CHEK1: variants seen among roughly 807,000 people sequenced by gnomAD.
CHEK1 encodes the protein serine/threonine-protein kinase Chk1.
CHEK1 carries 32 observed loss-of-function variants against 60.2 expected under a neutral mutation model. The ratio of observed to expected loss-of-function variants is 0.53; its 90% confidence interval spans 0.40 to 0.71. The LOEUF is 0.71. Among genes scored for constraint, CHEK1 ranks in the 30% least tolerant of loss-of-function variants. CHEK1 has a pLI of 0.00. For missense variants in CHEK1, 399 were observed against 564.6 expected (o/e 0.71, Z 2.97); for synonymous variants, 179 against 187.2 (o/e 0.96, Z 0.36).
intron 11 of CHEK1, among the ~76,000 whole-genome samples, chr11:125,645,712 A>G (rs1941477281): frequency 6.6e-6 from 1 of 152,222 alleles, no homozygotes; most frequent in African/African-American, 2.4e-5. Flanking sequence ...AAGTGAAGTG[A>G]TATTTTCATT....
At chr11:125,664,095 C>G (rs573849146) in intron 13 of CHEK1, among the ~76,000 whole-genome samples, 1 of 152,266 alleles carries the variant, frequency 6.6e-6, no homozygotes, top group South Asian at 2.1e-4. Context: ...GTTTTGGTTA[C>G]TGTAGCCTTG....
chr11:125,673,954 T>A (rs1208610739), intron 13 of CHEK1, among the ~76,000 whole-genome samples: 1 of 152,110 alleles, frequency 6.6e-6, no homozygotes, highest in Non-Finnish European at 1.5e-5. Flanking sequence ...AGGCCAGGAG[T>A]TCAAGACCAG....
downstream of CHEK1, among the ~76,000 whole-genome samples, chr11:125,661,084 CTT>C (rs1942005348): frequency 1.3e-5 from 2 of 151,910 alleles, no homozygotes; most frequent in African/African-American, 4.8e-5. Flanking sequence ...CCTGGCATAA[CTT>C]TTTATCTTTT....
chr11:125,635,742 G>T, intron 7 of CHEK1: 1 of 325,118 alleles, frequency 3.1e-6, no homozygotes, highest in Non-Finnish European at 5.6e-6. Context: ...AATATTTTGG[G>T]GAGTGTATAT....
intron 11 of CHEK1, chr11:125,650,023 T>C (rs2136048127): frequency 6.6e-6 from 1 of 152,308 alleles, no homozygotes; most frequent in Admixed American, 6.5e-5. Context: ...ACAGTTTGAC[T>C]ATGGTGTATC....
At chr11:125,654,827 C>A (rs1386366138) in intron 12 of CHEK1, among the ~76,000 whole-genome samples, 2 of 152,168 alleles carry the variant, frequency 1.3e-5, no homozygotes, top group East Asian at 3.9e-4. Flanking sequence ...CTTCTCATAA[C>A]TAAATCTATT....
At chr11:125,678,324 G>C (rs759471534), downstream of CHEK1, 1 of 1,606,570 alleles carries the variant, frequency 6.2e-7, no homozygotes, top group Non-Finnish European at 8.5e-7. Flanking sequence ...ACAGAAGAGA[G>C]TTGGTGAAGC....
rs567785939 is a variant in CHEK1, at chr11:125,655,639, A to G, written c.*319A>G. On this transcript the variant is annotated 3_prime_UTR_variant, in exon 13 of 13. Coordinates refer to ENST00000438015, the MANE Select transcript of CHEK1 (RefSeq NM_001114122.3). ...AGGGGACATGAGTTTTCCAGCTTTT[A>G]TACACACGTATCTCATTTTTATCAA... is the stretch of plus-strand genomic sequence containing the variant. 1 of 252,948 alleles carries G rather than the reference A, an allele frequency of 4.0e-6. No individual in the cohort carries two copies. The highest frequency in any genetic ancestry group is 2.2e-5 in the African/African-American group (1 of 45,786). The allele number at this position is 252,948 out of a possible 1,614,324, so 15.7% of individuals were successfully genotyped here.
intron 7 of CHEK1, 99 bp downstream of exon 7, chr11:125,635,632 C>T (rs972451311): frequency 1.4e-5 from 10 of 704,232 alleles, no homozygotes; most frequent in Non-Finnish European, 2.0e-5. Context: ...TTTAAACTTA[C>T]AAATAATTCA....
At chr11:125,632,151 T>G (rs1940891555) in intron 5 of CHEK1, among the ~76,000 whole-genome samples, 1 of 152,190 alleles carries the variant, frequency 6.6e-6, no homozygotes, top group Non-Finnish European at 1.5e-5. Context: ...TACACACTAT[T>G]TCATGTTAGT....
intron 13 of CHEK1, among the ~76,000 whole-genome samples, chr11:125,673,404 T>C (rs1313035091): frequency 3.3e-5 from 5 of 152,016 alleles, no homozygotes; most frequent in African/African-American, 1.2e-4. Flanking sequence ...GGTTTCACCA[T>C]GTTGGTCAGG....
At chr11:125,649,910 C>T (rs1281950819) in intron 11 of CHEK1, 1 of 152,126 alleles carries the variant, frequency 6.6e-6, no homozygotes, top group Non-Finnish European at 1.5e-5. Flanking sequence ...TGCCTTCTAG[C>T]CTTTGTGGTT....
At chr11:125,629,516 T>C in intron 5 of CHEK1, 56 bp downstream of exon 5, 3 of 1,256,970 alleles carry the variant, frequency 2.4e-6, no homozygotes, top group Non-Finnish European at 2.2e-6. Flanking sequence ...ACCTAAATTA[T>C]TTTAATTACC....
intron 11 of CHEK1, among the ~76,000 whole-genome samples, chr11:125,652,077 G>T (rs1269314098): frequency 6.6e-6 from 1 of 152,216 alleles, no homozygotes; most frequent in Non-Finnish European, 1.5e-5. Flanking sequence ...CACAGTCGTG[G>T]TATGGTTGTG....
intron 11 of CHEK1, among the ~76,000 whole-genome samples, chr11:125,650,576 C>T (rs1941687981): frequency 6.6e-6 from 1 of 151,404 alleles, no homozygotes; most frequent in African/African-American, 2.4e-5. Flanking sequence ...CCTGCCTCAG[C>T]CTTCCAAGTA....
intron 11 of CHEK1, among the ~76,000 whole-genome samples, chr11:125,651,305 T>C (rs1941720779): frequency 8.0e-6 from 1 of 124,850 alleles, no homozygotes; most frequent in Non-Finnish European, 1.7e-5. Context: ...TTTTTTTTTT[T>C]GAGATGGAGT....
chr11:125,657,771 T>C (rs1039152461), downstream of CHEK1, among the ~76,000 whole-genome samples: 3 of 152,232 alleles, frequency 2.0e-5, no homozygotes, highest in Non-Finnish European at 4.4e-5. Flanking sequence ...GATGCTATTA[T>C]AAAATTCTTC....
intron 13 of CHEK1, among the ~76,000 whole-genome samples, chr11:125,663,630 T>G (rs907106065): frequency 6.6e-6 from 1 of 152,166 alleles, no homozygotes. Context: ...TTTACTCTGT[T>G]GATAGTTTCT....
At chr11:125,644,066 GTTTC>G (rs774415901) in intron 9 of CHEK1, 21 bp from the exon 10 acceptor site, 4 of 1,599,148 alleles carry the variant, frequency 2.5e-6, no homozygotes, top group South Asian at 1.1e-5. Context: ...TTAAATGTAT[GTTTC>G]TTTCTGTCTT....
Sources: gnomAD v4.1 joint callset for allele counts (sites outside exome capture counted in the v4.1 genomes callset) on GRCh38, gnomAD v4.1.1 for gene constraint, MANE v1.5 for transcripts, NCBI Gene and HGNC (gene_info 2026-07-23, HGNC 2026-07-21) for gene names.